SNX30: variants seen among roughly 807,000 people sequenced by gnomAD.
SNX30 encodes the protein sorting nexin-30.
In SNX30, 24 loss-of-function variants were observed where a neutral mutation model predicts 46.4. The observed-to-expected ratio is 0.52, with a 90% confidence interval of 0.37 to 0.73. The LOEUF is 0.73. Among genes scored for constraint, SNX30 ranks in the 30% least tolerant of loss-of-function variants. The pLI is 0.00. For missense variants in SNX30, 533 were observed against 555.7 expected, an observed-to-expected ratio of 0.96 and a Z score of 0.41; for synonymous variants, 189 against 211.5, an observed-to-expected ratio of 0.89 and a Z score of 0.92.
chr9:112,844,925 C>G (rs1840917617), intron 6 of SNX30, among the ~76,000 whole-genome samples: 1 of 152,152 alleles, frequency 6.6e-6, no homozygotes, highest in South Asian at 2.1e-4. Context: ...TGGCCATTTC[C>G]GGTGCCTTTC....
rs139810480 is a variant in SNX30 at position 112,783,176 on chromosome 9, G to A, written c.157-21600G>A. ...GTAGTTGGGGGTTTCTTGTCCGGTA[G>A]GTAACTGTTTAATGAAATCTCTGGC... is the stretch of plus-strand genomic sequence containing the variant. On this transcript the variant is annotated intron_variant, in intron 1 of 8. Coordinates refer to ENST00000374232, the MANE Select transcript of SNX30 (RefSeq NM_001012994.2). Among the ~76,000 whole-genome samples the A allele has an allele frequency of 4.6e-5, 7 of 152,358 alleles. No homozygotes were observed. In the East Asian group the frequency reaches 1.2e-3, roughly 25 times the overall value.
At chr9:112,834,725 A>G (rs939282522) in intron 4 of SNX30, among the ~76,000 whole-genome samples, 11 of 152,132 alleles carry the variant, frequency 7.2e-5, no homozygotes, top group Middle Eastern at 3.2e-3. Context: ...GGGCAGGGGA[A>G]GGACAGAGAG....
At chr9:112,860,301 G>A (rs1465814370) in intron 7 of SNX30, among the ~76,000 whole-genome samples, 1 of 152,268 alleles carries the variant, frequency 6.6e-6, no homozygotes, top group East Asian at 1.9e-4. Flanking sequence ...TTTAAATTTG[G>A]TTGTGTATTC....
rs1172966142 is a variant in SNX30 at position 112,751,059 on chromosome 9, A to G, written c.58A>G (p.Met20Val). The G allele has an allele frequency of 6.0e-6, 9 of 1,495,188 alleles. No individual in the cohort carries two copies. The Admixed American group carries it at 6.5e-5, about 11-fold the overall frequency. The allele number at this position is 1,495,188 out of a possible 1,614,324, so 92.6% of individuals were successfully genotyped here. Residue 20 changes from methionine (M) to valine (V), a missense_variant, in exon 1 of 9, where the codon ATG becomes GTG. Around this residue, in one of 3 missense-constraint regions of SNX30, gnomAD observed 191 missense variants for 160.3 expected, o/e 1.19. Transcript: ENST00000374232. Reference protein sequence around the residue: ...PSTGPHSLRDMPHPLAGSSSE... With the variant: ...PSTGPHSLRDVPHPLAGSSSE... ...CACGGGGCCCCACTCCCTGCGCGAC[A>G]TGCCGCACCCGCTGGCCGGCTCCAG...
intron 7 of SNX30, among the ~76,000 whole-genome samples, chr9:112,860,103 G>A (rs914852158): frequency 1.3e-5 from 2 of 151,956 alleles, no homozygotes; most frequent in South Asian, 2.1e-4. Context: ...ACACCACCAT[G>A]CCCAGCTAAT....
At chr9:112,826,508 G>A (rs1840581258) in intron 3 of SNX30, among the ~76,000 whole-genome samples, 2 of 152,284 alleles carry the variant, frequency 1.3e-5, no homozygotes, top group South Asian at 4.2e-4. Flanking sequence ...AATAGAGCTG[G>A]ATGAACAGGA....
intron 1 of SNX30, among the ~76,000 whole-genome samples, chr9:112,782,374 T>C (rs947526786): frequency 1.2e-4 from 19 of 152,166 alleles, no homozygotes; most frequent in African/African-American, 4.6e-4. Flanking sequence ...CCATAAAGTT[T>C]TATTAGAACA....
chr9:112,804,068 C>T (rs897009101), intron 1 of SNX30, among the ~76,000 whole-genome samples: 1 of 149,550 alleles, frequency 6.7e-6, no homozygotes, highest in African/African-American at 2.5e-5. Flanking sequence ...CCCGGTACCT[C>T]AGATGGAAAT....
At chr9:112,847,855 A>G (rs1326373823) in intron 6 of SNX30, among the ~76,000 whole-genome samples, 1 of 151,882 alleles carries the variant, frequency 6.6e-6, no homozygotes, top group African/African-American at 2.4e-5. Context: ...CCTTCCCCAA[A>G]CCCTTGGTAC....
chr9:112,837,576 C>T (rs1464922908), intron 5 of SNX30, among the ~76,000 whole-genome samples: 3 of 151,502 alleles, frequency 2.0e-5, no homozygotes, highest in Non-Finnish European at 4.4e-5. Context: ...CCCGGGTTCA[C>T]GCCATTCTCC....
intron 1 of SNX30, among the ~76,000 whole-genome samples, chr9:112,784,408 A>G (rs758179469): frequency 8.5e-5 from 13 of 152,178 alleles, no homozygotes; most frequent in Non-Finnish European, 1.9e-4. Context: ...TAAGCCTGTT[A>G]TTTAAGATTC....
intron 2 of SNX30, among the ~76,000 whole-genome samples, chr9:112,812,770 T>G (rs1303795159): frequency 6.6e-6 from 1 of 152,128 alleles, no homozygotes; most frequent in Non-Finnish European, 1.5e-5. Flanking sequence ...AGCTTTAAAT[T>G]TTTCTTCTAA....
At chr9:112,828,439 T>C (rs1234789824) in intron 3 of SNX30, among the ~76,000 whole-genome samples, 1 of 152,214 alleles carries the variant, frequency 6.6e-6, no homozygotes, top group East Asian at 1.9e-4. Flanking sequence ...CACACAATGA[T>C]GAAATTGCCT....
At chr9:112,851,568 AG>A in intron 7 of SNX30, among the ~76,000 whole-genome samples, 1 of 152,184 alleles carries the variant, frequency 6.6e-6, no homozygotes, top group Non-Finnish European at 1.5e-5. Context: ...TTCTGGCTCC[AG>A]TGTTTGTAAC....
chr9:112,866,336 G>A (rs920827936), intron 8 of SNX30: 3 of 412,400 alleles, frequency 7.3e-6, no homozygotes, highest in South Asian at 1.8e-5. Flanking sequence ...CATTTCATCC[G>A]AGTCTCAGAG....
intron 3 of SNX30, among the ~76,000 whole-genome samples, chr9:112,828,363 T>A (rs1280947866): frequency 6.6e-6 from 1 of 152,038 alleles, no homozygotes; most frequent in Non-Finnish European, 1.5e-5. Context: ...CAATAGCCTA[T>A]ACCGTATCGC....
At chr9:112,866,170 T>C (rs916308636) in intron 8 of SNX30, among the ~76,000 whole-genome samples, 1 of 152,104 alleles carries the variant, frequency 6.6e-6, no homozygotes, top group Admixed American at 6.5e-5. Context: ...ATTCCTGCCC[T>C]GTGGAGGGTA....
intron 2 of SNX30, among the ~76,000 whole-genome samples, chr9:112,808,252 C>T (rs1056414109): frequency 2.6e-5 from 4 of 152,210 alleles, no homozygotes; most frequent in Non-Finnish European, 5.9e-5. Context: ...CAAGGTTGTT[C>T]AAATGCTTTG....
chr9:112,810,593 T>C (rs747588941), intron 2 of SNX30, among the ~76,000 whole-genome samples: 1 of 152,126 alleles, frequency 6.6e-6, no homozygotes, highest in Non-Finnish European at 1.5e-5. Flanking sequence ...GGATGCCGTT[T>C]AGAGGGAGAT....
Sources: gnomAD v4.1 joint callset for allele counts (sites outside exome capture counted in the v4.1 genomes callset) on GRCh38, gnomAD v4.1.1 for gene constraint, gnomAD v4.1.1 regional missense constraint, MANE v1.5 for transcripts, NCBI Gene and HGNC (gene_info 2026-07-23, HGNC 2026-07-21) for gene names.